The following NPHP1 variants were observed in gnomAD, a reference collection of about 807,000 sequenced individuals.
NPHP1 encodes the protein nephrocystin-1.
A neutral mutation model predicts 90.4 loss-of-function variants in NPHP1; 70 were observed. That is an observed-to-expected ratio of 0.77 (90% CI 0.64 to 0.95). The LOEUF is 0.95. NPHP1 is among the 40% of genes least tolerant of loss of function. The probability of loss-of-function intolerance (pLI) is 0.00; values close to 1 mark genes in which losing one functional copy is unlikely to be tolerated. For synonymous variants in NPHP1, 256 were observed against 271.7 expected, an observed-to-expected ratio of 0.94 and a Z score of 0.57; for missense variants, 764 against 795.9, an observed-to-expected ratio of 0.96 and a Z score of 0.48.
In NPHP1 at chr2:110,170,391, T is replaced by C. The variant is rs1683036948; in HGVS notation, c.330-393A>G. 2.0e-5 allele frequency among the ~76,000 whole-genome samples: 3 copies of C among 152,218 alleles called. No homozygotes were observed. The South Asian group carries it at 6.2e-4, about 32-fold the overall frequency. On this transcript the variant is annotated intron_variant, in intron 4 of 19. Coordinates refer to ENST00000445609, the MANE Select transcript of NPHP1 (RefSeq NM_001128178.3). Reference sequence around the variant, plus strand: ...GACCTTGAGTAGGCTTCTTTTAAGCTCTCCATTTCTCATTGGTAAAGTGGA... The same window carrying C: ...GACCTTGAGTAGGCTTCTTTTAAGCCCTCCATTTCTCATTGGTAAAGTGGA...
In NPHP1 at chr2:110,164,732, T is replaced by C. The variant is rs773781058; in HGVS notation, c.729-2A>G. 4 of 1,613,540 alleles carry C rather than the reference T, an allele frequency of 2.5e-6. No homozygotes were observed. The Admixed American group carries it at 6.7e-5, about 27-fold the overall frequency. ...ACAGCACTCCAGTGGGGATCAGTTC[T>C]GGGGAGACAAAATAGCAAAGTGAGT... On this transcript the variant is annotated splice_acceptor_variant, in intron 7 of 19. Transcript: ENST00000445609. LOFTEE classifies it high-confidence loss of function.
chr2:110,181,033 CG>C (rs763730316), intron 2 of NPHP1, among the ~76,000 whole-genome samples: 6 of 152,158 alleles, frequency 3.9e-5, no homozygotes, highest in Non-Finnish European at 8.8e-5. Flanking sequence ...AGCATTGTTC[CG>C]TGGGCCCCAC....
chr2:110,123,465 ACTTT>A lies in NPHP1; in HGVS notation c.*322_*325del. The A allele has an allele frequency of 4.7e-6, 1 of 210,628 alleles. No individual in the cohort carries two copies. 13.0% of individuals were successfully genotyped at this position (210,628 alleles called of 1,614,324 possible). A position where few individuals can be genotyped will look rare whatever the true frequency, so the allele number is the denominator to read the frequency against. On this transcript the variant is annotated 3_prime_UTR_variant, in exon 20 of 20. Transcript: ENST00000445609. The stretch of plus-strand genomic sequence containing the variant: ...TCCCATTCTGTAGGTTGTTTTTTTC[ACTTT>A]CTTGAATAATCATAAATTTAGTTTT...
chr2:110,162,895 A>G (rs1030064651), intron 9 of NPHP1, among the ~76,000 whole-genome samples, 153 bp downstream of exon 9: 2 of 152,172 alleles, frequency 1.3e-5, no homozygotes, highest in Non-Finnish European at 2.9e-5. Flanking sequence ...ATCTTTCCTC[A>G]CTGTCATAGG....
At chr2:110,182,874 A>G (rs369407207) in intron 2 of NPHP1, among the ~76,000 whole-genome samples, 2 of 152,276 alleles carry the variant, frequency 1.3e-5, no homozygotes, top group East Asian at 1.9e-4. Context: ...GTCAAGATCC[A>G]TCGGTATGCT....
chr2:110,173,465 T>G (rs1043708531), intron 4 of NPHP1, among the ~76,000 whole-genome samples: 2 of 152,188 alleles, frequency 1.3e-5, no homozygotes, highest in African/African-American at 4.8e-5. Flanking sequence ...TATAGTCATG[T>G]GCTGCACAAC....
chr2:110,158,384 G>A (rs145316308), intron 11 of NPHP1, among the ~76,000 whole-genome samples: 8 of 152,070 alleles, frequency 5.3e-5, no homozygotes, highest in East Asian at 1.9e-4. Flanking sequence ...ATATTACTGA[G>A]AGAGAAGTGT....
intron 13 of NPHP1, 53 bp downstream of exon 13, chr2:110,147,863 A>G (rs1681175815): frequency 2.9e-6 from 3 of 1,039,392 alleles, no homozygotes; most frequent in Admixed American, 3.4e-5. Flanking sequence ...CACATTTTTT[A>G]ACCTTCCCTT....
At chr2:110,202,730 T>G (rs1231809757) in intron 1 of NPHP1, among the ~76,000 whole-genome samples, 1 of 152,164 alleles carries the variant, frequency 6.6e-6, no homozygotes, top group African/African-American at 2.4e-5. Flanking sequence ...AGGTACCATC[T>G]CACACTGGTC....
At chr2:110,172,672 C>T (rs575719943) in intron 4 of NPHP1, among the ~76,000 whole-genome samples, 1 of 152,128 alleles carries the variant, frequency 6.6e-6, no homozygotes, top group South Asian at 2.1e-4. Flanking sequence ...GTCTCAGCTA[C>T]TCAGGGAGGC....
At chr2:110,129,495 C>G (rs955801228) in intron 17 of NPHP1, among the ~76,000 whole-genome samples, 8 of 152,162 alleles carry the variant, frequency 5.3e-5, no homozygotes, top group African/African-American at 1.9e-4. Context: ...AGAGTAAGGG[C>G]AAGGAGGCTC....
chr2:110,147,989 C>T lies in NPHP1; in HGVS notation c.1196G>A (p.Cys399Tyr). The stretch of plus-strand genomic sequence containing the variant: ...AGATGCAGAATTAGACCTGATAAAG[C>T]AATCACCATCAAGCAAACATGGTAA... ...RILPCLLDGD[C>Y]FIRSNSASPD... Residue 399 changes from cysteine to tyrosine, a missense_variant, in exon 13 of 20, where the codon TGC (cysteine) becomes TAC (tyrosine). Physicochemically the swap from Cys to Tyr is radical, Grantham distance 194 (BLOSUM62 -2). Coordinates refer to ENST00000445609, the MANE Select transcript of NPHP1 (RefSeq NM_001128178.3). 1 of 1,610,546 alleles carries T rather than the reference C, an allele frequency of 6.2e-7. No individual in the cohort carries two copies.
chr2:110,167,636 T>A (rs1042159945), intron 6 of NPHP1, among the ~76,000 whole-genome samples: 3 of 152,120 alleles, frequency 2.0e-5, no homozygotes, highest in Admixed American at 6.5e-5. Flanking sequence ...GTTCTGTGAA[T>A]CATTCTAGTA....
At chr2:110,164,583 C>A (rs955522746) in intron 8 of NPHP1, 105 bp downstream of exon 8, 2 of 1,606,344 alleles carry the variant, frequency 1.2e-6, no homozygotes, top group Non-Finnish European at 1.7e-6. Flanking sequence ...ATGCCCTGAA[C>A]CCTGTTTCAG....
chr2:110,167,732 T>G (rs1033172266), intron 6 of NPHP1, among the ~76,000 whole-genome samples: 1 of 152,162 alleles, frequency 6.6e-6, no homozygotes, highest in Non-Finnish European at 1.5e-5. Context: ...TTGGGACTTG[T>G]GACTGGCAAC....
intron 4 of NPHP1, among the ~76,000 whole-genome samples, chr2:110,172,542 A>G (rs1683208278): frequency 6.6e-6 from 1 of 151,920 alleles, no homozygotes; most frequent in Non-Finnish European, 1.5e-5. Context: ...GAACTTTGGG[A>G]GGCTGAGGTG....
chr2:110,180,609 T>C (rs1284485671), intron 2 of NPHP1, among the ~76,000 whole-genome samples: 4 of 152,032 alleles, frequency 2.6e-5, no homozygotes, highest in Non-Finnish European at 5.9e-5. Context: ...TTCAGCACTT[T>C]AAACTGAAAT....
In NPHP1 at chr2:110,123,945, GCAGTCT is replaced by G; in HGVS notation, c.1874_1879del (p.Glu625_Thr626del). The G allele has an allele frequency of 6.2e-7, 1 of 1,614,142 alleles. No homozygotes were observed. Among genetic ancestry groups the G allele is most frequent in the Non-Finnish European group, 8.5e-7 (1 of 1,180,006 alleles). ...GAAGTCAGTGATAACTTTCCACCGT[GCAGTCT>G]CAGTCTCTTCTTCTGCCCACCTGAA... On this transcript the variant is annotated inframe_deletion, in exon 20 of 20. Coordinates refer to ENST00000445609, the MANE Select transcript of NPHP1 (RefSeq NM_001128178.3).
At chr2:110,140,285 C>T (rs1318500673) in intron 16 of NPHP1, among the ~76,000 whole-genome samples, 10 of 152,038 alleles carry the variant, frequency 6.6e-5, no homozygotes, top group Admixed American at 5.9e-4. Flanking sequence ...AGCGGAAGTC[C>T]TGAGGAGTAT....
Sources: gnomAD v4.1 joint callset for allele counts (sites outside exome capture counted in the v4.1 genomes callset) on GRCh38, gnomAD v4.1.1 for gene constraint, MANE v1.5 for transcripts, NCBI Gene and HGNC (gene_info 2026-07-23, HGNC 2026-07-21) for gene names.